Variants in CALN1 observed in about 807,000 individuals in gnomAD.
The protein encoded by CALN1 is calcium-binding protein 8.
CALN1 carries 17 observed loss-of-function variants against 30.6 expected under a neutral mutation model. The ratio of observed to expected loss-of-function variants is 0.56; its 90% CI spans 0.38 to 0.83. CALN1 has a LOEUF of 0.83. CALN1 is among the 40% of genes least tolerant of loss of function. The pLI is 0.00. For synonymous variants in CALN1, 156 were observed against 131.4 expected (o/e 1.19, Z -1.28); for missense variants, 291 against 354.9 (o/e 0.82, Z 1.45).
chr7:72,115,688 A>T (rs1807934876), intron 3 of CALN1, among the ~76,000 whole-genome samples: 1 of 151,704 alleles, frequency 6.6e-6, no homozygotes, highest in Non-Finnish European at 1.5e-5. Context: ...GGGTTTCGCC[A>T]CGTTGGCCAG....
intron 5 of CALN1, among the ~76,000 whole-genome samples, chr7:71,893,464 A>G (rs1793365701): frequency 6.6e-6 from 1 of 152,062 alleles, no homozygotes; most frequent in Non-Finnish European, 1.5e-5. Flanking sequence ...AGGCAAGGTG[A>G]GCGGATCACT....
intron 3 of CALN1, among the ~76,000 whole-genome samples, chr7:72,180,534 T>G (rs1789691567): frequency 1.3e-5 from 2 of 151,976 alleles, no homozygotes; most frequent in African/African-American, 4.8e-5. Flanking sequence ...CTTTTTTTTT[T>G]TTTTTTTAAT....
intron 2 of CALN1, among the ~76,000 whole-genome samples, chr7:72,362,271 T>TA (rs1803618252): frequency 6.6e-6 from 1 of 152,242 alleles, no homozygotes; most frequent in South Asian, 2.1e-4. Context: ...TGACTTTTGA[T>TA]AAGTGATACG....
intron 4 of CALN1, among the ~76,000 whole-genome samples, chr7:72,098,764 G>GCGCACACACACACA (rs1414936509): frequency 5.6e-5 from 8 of 142,730 alleles, no homozygotes; most frequent in African/African-American, 2.1e-4. Flanking sequence ...CATTTGGCGC[G>GCGCACACACACACA]CACACACACA....
At chr7:72,024,826 A>C (rs1014418415) in intron 4 of CALN1, among the ~76,000 whole-genome samples, 5 of 152,192 alleles carry the variant, frequency 3.3e-5, no homozygotes, top group Non-Finnish European at 7.3e-5. Flanking sequence ...CTCTGCGTGC[A>C]TGTGTATGCC....
At chr7:72,033,169 G>A (rs1279340709) in intron 4 of CALN1, among the ~76,000 whole-genome samples, 1 of 128,684 alleles carries the variant, frequency 7.8e-6, no homozygotes, top group Non-Finnish European at 1.5e-5. Flanking sequence ...CCACTGCTAT[G>A]TGAGTCAAAG....
At chr7:72,258,041 C>T (rs1796026262) in intron 3 of CALN1, among the ~76,000 whole-genome samples, 1 of 152,026 alleles carries the variant, frequency 6.6e-6, no homozygotes, top group African/African-American at 2.4e-5. Flanking sequence ...ATGGGTGCAA[C>T]AAAATCTCAG....
At chr7:72,126,839 A>G (rs180948114) in intron 3 of CALN1, among the ~76,000 whole-genome samples, 11 of 152,190 alleles carry the variant, frequency 7.2e-5, no homozygotes, top group Middle Eastern at 3.4e-3. Context: ...ATGAAAGACT[A>G]TAATACATAT....
intron 3 of CALN1, among the ~76,000 whole-genome samples, chr7:72,148,002 T>A (rs1786896278): frequency 1.3e-5 from 2 of 149,650 alleles, no homozygotes; most frequent in South Asian, 4.2e-4. Flanking sequence ...AATGACGAGT[T>A]AATAGGTGCA....
chr7:72,241,365 G>C (rs1328617186), intron 3 of CALN1, among the ~76,000 whole-genome samples: 1 of 151,594 alleles, frequency 6.6e-6, no homozygotes, highest in Non-Finnish European at 1.5e-5. Context: ...TAAAAGTCAA[G>C]AATGGTACGA....
chr7:71,819,163 AT>A (rs1297125803), intron 5 of CALN1, among the ~76,000 whole-genome samples: 1 of 148,868 alleles, frequency 6.7e-6, no homozygotes, highest in Non-Finnish European at 1.5e-5. Flanking sequence ...TTATTTATTT[AT>A]TTTTATTGTG....
At chr7:72,123,423 A>T (rs1242279735) in intron 3 of CALN1, among the ~76,000 whole-genome samples, 1 of 152,126 alleles carries the variant, frequency 6.6e-6, no homozygotes, top group Non-Finnish European at 1.5e-5. Flanking sequence ...TTTTTTTCCC[A>T]TTTTAACTCA....
chr7:71,818,359 T>C (rs773277358), intron 5 of CALN1, among the ~76,000 whole-genome samples: 2 of 151,788 alleles, frequency 1.3e-5, no homozygotes, highest in Non-Finnish European at 2.9e-5. Context: ...AGGCACAGAG[T>C]TGCAAAAGCT....
chr7:72,349,588 C>G (rs1345124879), intron 2 of CALN1, among the ~76,000 whole-genome samples: 2 of 151,978 alleles, frequency 1.3e-5, no homozygotes, highest in African/African-American at 4.8e-5. Flanking sequence ...ACAATACAAG[C>G]CAAAAGACAA....
intron 3 of CALN1, among the ~76,000 whole-genome samples, chr7:72,209,032 CCT>C (rs1350924647): frequency 0.062 from 243 of 3,950 alleles, 3 homozygotes; most frequent in African/African-American, 0.23. Context: ...TTCCCTCCTT[CCT>C]TCTCTCTCTC....
intron 4 of CALN1, among the ~76,000 whole-genome samples, chr7:72,064,390 G>A (rs1422215438): frequency 6.6e-6 from 1 of 152,122 alleles, no homozygotes; most frequent in African/African-American, 2.4e-5. Context: ...ACTTTCTGAG[G>A]AGAAAATTAC....
intron 3 of CALN1, among the ~76,000 whole-genome samples, chr7:72,153,787 T>C (rs900498103): frequency 6.6e-6 from 1 of 152,214 alleles, no homozygotes; most frequent in African/African-American, 2.4e-5. Flanking sequence ...GGACATCCAC[T>C]GGGTAGTTTC....
At chr7:72,083,322 G>T (rs1272349079) in intron 4 of CALN1, among the ~76,000 whole-genome samples, 1 of 152,174 alleles carries the variant, frequency 6.6e-6, no homozygotes, top group Non-Finnish European at 1.5e-5. Context: ...ATGTGCCAAA[G>T]ATCTCATGGT....
intron 4 of CALN1, among the ~76,000 whole-genome samples, chr7:72,025,101 A>G (rs895389142): frequency 2.0e-5 from 3 of 152,124 alleles, no homozygotes; most frequent in Admixed American, 6.5e-5. Flanking sequence ...ACCTGAGGTC[A>G]GGAGTTCTTG....
Sources: allele counts gnomAD v4.1 joint callset (sites outside exome capture counted in the v4.1 genomes callset), GRCh38; gene constraint gnomAD v4.1.1; transcripts MANE v1.5; gene names NCBI Gene and HGNC (gene_info 2026-07-23, HGNC 2026-07-21).